The following TMEM117 variants were observed in gnomAD, a reference collection of about 807,000 sequenced individuals.
The protein encoded by TMEM117 is transmembrane protein 117.
Under a neutral mutation model 52.4 loss-of-function variants are expected in TMEM117, and 27 were observed. The ratio of observed to expected loss-of-function variants is 0.51; its 90% CI spans 0.38 to 0.71. The LOEUF (loss-of-function observed/expected upper bound fraction) is 0.71, where lower values mean the gene tolerates loss of function less well. Among genes scored for constraint, TMEM117 ranks in the 30% least tolerant of loss-of-function variants. The pLI, the probability that TMEM117 is intolerant of heterozygous loss-of-function variation, is 0.00. For synonymous variants in TMEM117, 215 were observed against 206.3 expected (o/e 1.04, Z -0.36); for missense variants, 556 against 630.5 (o/e 0.88, Z 1.26).
chr12:43,971,663 T>TGGAA (rs1050282163), intron 3 of TMEM117, among the ~76,000 whole-genome samples: 2 of 152,208 alleles, frequency 1.3e-5, no homozygotes, highest in Admixed American at 1.3e-4. Context: ...TGTGTTCACA[T>TGGAA]GGAACCATGT....
chr12:44,313,130 T>C (rs1181713650), intron 6 of TMEM117, among the ~76,000 whole-genome samples: 2 of 152,246 alleles, frequency 1.3e-5, no homozygotes, highest in East Asian at 3.8e-4. Context: ...CACTTGTCAA[T>C]TTTTGGCTTT....
At chr12:44,344,385 T>G (rs1951456629) in intron 6 of TMEM117, among the ~76,000 whole-genome samples, 1 of 152,144 alleles carries the variant, frequency 6.6e-6, no homozygotes, top group Non-Finnish European at 1.5e-5. Flanking sequence ...GTACTTGGTT[T>G]AATGACAGTT....
At chr12:44,219,162 T>C (rs1229667240) in intron 5 of TMEM117, among the ~76,000 whole-genome samples, 3 of 152,326 alleles carry the variant, frequency 2.0e-5, no homozygotes, top group African/African-American at 7.2e-5. Flanking sequence ...TACCCTTTTA[T>C]TATTGACAAA....
intron 6 of TMEM117, among the ~76,000 whole-genome samples, chr12:44,373,154 T>C (rs1364680950): frequency 2.0e-5 from 3 of 152,226 alleles, no homozygotes; most frequent in Non-Finnish European, 1.5e-5. Flanking sequence ...GTTACACATG[T>C]TGCTGACTCT....
intron 3 of TMEM117, among the ~76,000 whole-genome samples, chr12:43,993,045 A>G (rs73286235): frequency 0.059 from 8,950 of 152,284 alleles, 527 homozygotes; most frequent in African/African-American, 0.16. Context: ...GTGCAAGAAA[A>G]GCTACAGAAA....
chr12:44,271,912 AG>A (rs1370338483), intron 5 of TMEM117, among the ~76,000 whole-genome samples: 1 of 152,152 alleles, frequency 6.6e-6, no homozygotes, highest in African/African-American at 2.4e-5. Context: ...AGACTGATAA[AG>A]AAATGGACAA....
the TMEM117 span, chr12:43,797,918 GTATCATTCAA>G: frequency 7.1e-7 from 1 of 1,405,068 alleles, no homozygotes; most frequent in Non-Finnish European, 9.7e-7. Flanking sequence ...CTATAAAATA[GTATCATTCAA>G]CCCTAGCCCA....
chr12:43,993,324 A>G (rs992850147), intron 3 of TMEM117, among the ~76,000 whole-genome samples: 1 of 152,168 alleles, frequency 6.6e-6, no homozygotes, highest in African/African-American at 2.4e-5. Context: ...AATGTGAAAC[A>G]CCTGGCACAG....
intron 3 of TMEM117, among the ~76,000 whole-genome samples, chr12:44,128,368 T>C (rs944334451): frequency 1.3e-5 from 2 of 152,248 alleles, no homozygotes; most frequent in African/African-American, 4.8e-5. Context: ...TCCTCTCTCA[T>C]GCACAACATT....
chr12:43,924,399 G>A (rs1322509726), intron 2 of TMEM117, among the ~76,000 whole-genome samples: 2 of 152,036 alleles, frequency 1.3e-5, no homozygotes, highest in Non-Finnish European at 2.9e-5. Context: ...CTGACTGAAA[G>A]GATATAAAAT....
intron 6 of TMEM117, among the ~76,000 whole-genome samples, chr12:44,347,449 C>T (rs1951503046): frequency 6.6e-6 from 1 of 152,058 alleles, no homozygotes; most frequent in Non-Finnish European, 1.5e-5. Context: ...TCCTATCTTT[C>T]AACATAACCT....
chr12:44,346,400 A>G (rs1336330916), intron 6 of TMEM117, among the ~76,000 whole-genome samples: 1 of 152,120 alleles, frequency 6.6e-6, no homozygotes, highest in East Asian at 1.9e-4. Context: ...TTCAAAATAT[A>G]CAATGTGGTT....
chr12:43,947,361 T>C (rs1945150068), intron 3 of TMEM117, among the ~76,000 whole-genome samples: 1 of 152,094 alleles, frequency 6.6e-6, no homozygotes, highest in Non-Finnish European at 1.5e-5. Context: ...AAATAAAAAT[T>C]AAATCACCAT....
At chr12:43,866,053 A>G (rs946888868) in intron 2 of TMEM117, among the ~76,000 whole-genome samples, 4 of 151,874 alleles carry the variant, frequency 2.6e-5, no homozygotes, top group Non-Finnish European at 5.9e-5. Flanking sequence ...CAAAGACTTT[A>G]TAACAGTGTT....
intron 5 of TMEM117, among the ~76,000 whole-genome samples, chr12:44,271,454 T>C (rs1198874134): frequency 6.6e-6 from 1 of 152,086 alleles, no homozygotes; most frequent in Non-Finnish European, 1.5e-5. Flanking sequence ...TCCATCCATT[T>C]ACGGTCAATC....
intron 5 of TMEM117, among the ~76,000 whole-genome samples, chr12:44,253,672 T>C (rs1950221353): frequency 6.6e-6 from 1 of 152,116 alleles, no homozygotes. Context: ...TTTCACATCA[T>C]AGTGAAGCTG....
intron 2 of TMEM117, among the ~76,000 whole-genome samples, chr12:43,927,235 T>C (rs886501179): frequency 1.4e-4 from 21 of 152,038 alleles, no homozygotes; most frequent in African/African-American, 4.8e-4. Flanking sequence ...TAATTTCTAA[T>C]TGATTACATT....
At chr12:44,049,563 A>G (rs1223519860) in intron 3 of TMEM117, among the ~76,000 whole-genome samples, 1 of 151,806 alleles carries the variant, frequency 6.6e-6, no homozygotes, top group East Asian at 1.9e-4. Flanking sequence ...TTAAAAAAAA[A>G]AAAAAGAAAT....
At chr12:43,861,873 G>A (rs896043066) in intron 2 of TMEM117, among the ~76,000 whole-genome samples, 69 of 152,108 alleles carry the variant, frequency 4.5e-4, no homozygotes, top group African/African-American at 1.7e-3. Context: ...TACAATTGTG[G>A]TCGGTCATTC....
Sources: gnomAD v4.1 joint callset for allele counts (sites outside exome capture counted in the v4.1 genomes callset) on GRCh38, gnomAD v4.1.1 for gene constraint, MANE v1.5 for transcripts, NCBI Gene and HGNC (gene_info 2026-07-23, HGNC 2026-07-21) for gene names.